The following UBAC2 variants were observed in gnomAD, a reference collection of about 807,000 sequenced individuals.
The protein encoded by UBAC2 is UBA domain containing 2, also known as ubiquitin-associated domain-containing protein 2.
In UBAC2, 26 loss-of-function variants were observed where a neutral mutation model predicts 44.0. The ratio of observed to expected loss-of-function variants is 0.59; its 90% confidence interval spans 0.43 to 0.82. UBAC2 has a LOEUF of 0.82. Ranked by LOEUF, UBAC2 falls within the 40% of genes least tolerant of loss-of-function variation. The pLI, the probability that UBAC2 is intolerant of heterozygous loss-of-function variation, is 0.00. For synonymous variants in UBAC2, 155 were observed against 154.3 expected, an observed-to-expected ratio of 1.00 and a Z score of -0.04; for missense variants, 329 against 419.4, an observed-to-expected ratio of 0.78 and a Z score of 1.88.
chr13:99,212,949 A>G (rs1379026581), intron 1 of UBAC2, among the ~76,000 whole-genome samples: 1 of 152,202 alleles, frequency 6.6e-6, no homozygotes, highest in Non-Finnish European at 1.5e-5. Flanking sequence ...AAATTATACA[A>G]ATATTTTATG....
intron 1 of UBAC2, among the ~76,000 whole-genome samples, chr13:99,213,222 A>T (rs369182254): frequency 0.031 from 4,599 of 149,224 alleles, 88 homozygotes; most frequent in Middle Eastern, 0.13. Context: ...TTTTTTTTCA[A>T]TTTTTTTTTT....
intron 7 of UBAC2, chr13:99,356,366 C>T (rs1398793961): frequency 8.5e-6 from 3 of 352,732 alleles, no homozygotes; most frequent in Admixed American, 2.7e-5. Flanking sequence ...GAAGAAGAGA[C>T]GGGGCAGAGG....
At chr13:99,342,877 T>C (rs1398843648) in intron 7 of UBAC2, among the ~76,000 whole-genome samples, 14 of 152,232 alleles carry the variant, frequency 9.2e-5, no homozygotes, top group Admixed American at 9.2e-4. Flanking sequence ...GCTCTGCCCA[T>C]AGGGGGTTCC....
At chr13:99,242,189 T>TC (rs1037794374) in intron 2 of UBAC2, among the ~76,000 whole-genome samples, 5 of 151,758 alleles carry the variant, frequency 3.3e-5, no homozygotes, top group South Asian at 2.1e-4. Flanking sequence ...TCCCCACCTT[T>TC]CCCCCCCTTC....
chr13:99,269,148 G>C (rs913434550), intron 4 of UBAC2, among the ~76,000 whole-genome samples: 1 of 152,234 alleles, frequency 6.6e-6, no homozygotes, highest in African/African-American at 2.4e-5. Context: ...GTGGCTGGGA[G>C]AGTGCGAGGC....
intron 4 of UBAC2, among the ~76,000 whole-genome samples, chr13:99,290,569 A>G (rs1829346457): frequency 6.6e-6 from 1 of 152,044 alleles, no homozygotes; most frequent in Non-Finnish European, 1.5e-5. Flanking sequence ...CACTAAAAAT[A>G]CAAAAATTAG....
chr13:99,338,071 T>TTTTTTTTTTTTTTTTTTTTTTTTTTTTA (rs1555330450), intron 6 of UBAC2, among the ~76,000 whole-genome samples: 1 of 105,076 alleles, frequency 9.5e-6, no homozygotes, highest in Non-Finnish European at 1.9e-5. Flanking sequence ...TTTTTTTTTT[T>TTTTTTTTTTTTTTTTTTTTTTTTTTTTA]TTTTGAGACA....
intron 4 of UBAC2, among the ~76,000 whole-genome samples, chr13:99,300,885 T>C (rs886846582): frequency 5.1e-4 from 77 of 152,342 alleles, no homozygotes; most frequent in African/African-American, 1.8e-3. Context: ...TATAGTTATC[T>C]TTTAATTATT....
chr13:99,243,992 GAA>G (rs778260964), intron 3 of UBAC2, 41 bp downstream of exon 3: 2 of 1,461,220 alleles, frequency 1.4e-6, no homozygotes, highest in South Asian at 2.8e-5. Context: ...TTAGGCTGTA[GAA>G]AAAAATTTTG....
chr13:99,241,739 T>G (rs986720881), intron 2 of UBAC2, among the ~76,000 whole-genome samples: 2 of 150,682 alleles, frequency 1.3e-5, no homozygotes, highest in African/African-American at 4.9e-5. Flanking sequence ...TTTTTTTTTT[T>G]CAACTTTTTT....
At chr13:99,259,726 C>T (rs1479014996) in intron 4 of UBAC2, among the ~76,000 whole-genome samples, 1 of 152,220 alleles carries the variant, frequency 6.6e-6, no homozygotes, top group Non-Finnish European at 1.5e-5. Flanking sequence ...AATCTGCCTG[C>T]ATGCAGACCT....
chr13:99,342,109 C>T (rs532788841), intron 7 of UBAC2, among the ~76,000 whole-genome samples: 2 of 152,262 alleles, frequency 1.3e-5, no homozygotes, highest in African/African-American at 4.8e-5. Context: ...TGAGAGAACA[C>T]CGTCAGCATC....
intron 1 of UBAC2, among the ~76,000 whole-genome samples, chr13:99,211,531 G>A (rs914668007): frequency 2.0e-5 from 3 of 152,288 alleles, no homozygotes; most frequent in Non-Finnish European, 2.9e-5. Flanking sequence ...AAAATACTAC[G>A]TGTTAGGCAC....
intron 7 of UBAC2, among the ~76,000 whole-genome samples, chr13:99,363,313 T>A (rs1239657887): frequency 6.6e-6 from 1 of 152,214 alleles, no homozygotes; most frequent in East Asian, 1.9e-4. Flanking sequence ...ATGCCTAGTT[T>A]TGAGCTTTAA....
intron 6 of UBAC2, among the ~76,000 whole-genome samples, chr13:99,330,182 T>C (rs1218689272): frequency 6.6e-6 from 1 of 152,028 alleles, no homozygotes; most frequent in African/African-American, 2.4e-5. Context: ...GCTGATTGGC[T>C]GGGTGTGGTG....
At chr13:99,235,599 A>T (rs774089376) in intron 1 of UBAC2, among the ~76,000 whole-genome samples, 1 of 152,226 alleles carries the variant, frequency 6.6e-6, no homozygotes, top group Non-Finnish European at 1.5e-5. Flanking sequence ...AGCAGATTAG[A>T]AGACCAAGAT....
At chr13:99,242,332 GA>G (rs1159816067) in intron 2 of UBAC2, among the ~76,000 whole-genome samples, 3 of 149,232 alleles carry the variant, frequency 2.0e-5, no homozygotes, top group Admixed American at 6.6e-5. Flanking sequence ...GCGGGGGGCT[GA>G]CCCCCCCACC....
At position 99,244,489 on chromosome 13, in the gene UBAC2, C is replaced by T. The variant is rs376252686; in HGVS notation, c.280-26C>T. On this transcript the variant is annotated intron_variant, in intron 3 of 8. Transcript: ENST00000403766. ...TTATTTTTAGGAGACTCATCTCTAT[C>T]ATTTTTCTGCTGTTTTATTTTGTAG... 9.9e-6 allele frequency: 15 copies of T among 1,516,846 alleles called. No individual in the cohort carries two copies. In the African/African-American group the frequency reaches 1.9e-4, roughly 19 times the overall value. The allele number at this position is 1,516,846 out of a possible 1,614,324, so 94.0% of individuals were successfully genotyped here. A position where few individuals can be genotyped will look rare whatever the true frequency, so the allele number is the denominator to read the frequency against.
At chr13:99,380,797 A>G (rs983213099) in intron 8 of UBAC2, among the ~76,000 whole-genome samples, 1 of 152,234 alleles carries the variant, frequency 6.6e-6, no homozygotes. Flanking sequence ...CATTATTGCT[A>G]CTTAGCAATA....
Sources: allele counts gnomAD v4.1 joint callset (sites outside exome capture counted in the v4.1 genomes callset), GRCh38; gene constraint gnomAD v4.1.1; transcripts MANE v1.5; gene names NCBI Gene and HGNC (gene_info 2026-07-23, HGNC 2026-07-21).